Variants in TERT observed in about 807,000 individuals in gnomAD.
TERT encodes the protein telomerase catalytic subunit.
A neutral mutation model predicts 104.0 loss-of-function variants in TERT; 42 were observed. The observed-to-expected ratio is 0.40, with a 90% CI of 0.32 to 0.52. The LOEUF (loss-of-function observed/expected upper bound fraction) is 0.52, where lower values mean the gene tolerates loss of function less well. Ranked by LOEUF, TERT falls within the 20% of genes least tolerant of loss-of-function variation. The pLI is 0.43. For missense variants in TERT, 1,101 were observed against 1,610.3 expected, an observed-to-expected ratio of 0.68 and a Z score of 5.41; for synonymous variants, 781 against 725.6, an observed-to-expected ratio of 1.08 and a Z score of -1.23.
chr5:1,289,353 A>G (rs1188352288), intron 2 of TERT, among the ~76,000 whole-genome samples: 39 of 104,188 alleles, frequency 3.7e-4, no homozygotes, highest in Admixed American at 1.9e-3. Flanking sequence ...CACTCACCCT[A>G]CACGTGACAG....
At position 1,279,297 on chromosome 5, in the gene TERT, A is replaced by G; in HGVS notation, c.2124T>C (p.Phe708=). 6.3e-7 allele frequency: 1 copy of G among 1,581,510 alleles called. No homozygotes were observed. The highest frequency in any genetic ancestry group is 8.6e-7 in the Non-Finnish European group (1 of 1,166,002). The change falls in exon 5 of 16, where the codon TTT becomes TTC. Residue 708 remains phenylalanine, a synonymous_variant. Transcript: ENST00000310581. The part of the protein sequence containing the change: ...RAQDPPPELY[F]VKVDVTGAYD... ...GGGGGTCCCCGGCACCCACCTTGACAAAGTACAGCTCAGGCGGCGGGTCCT... is the reference window on the plus strand; with the variant it reads ...GGGGGTCCCCGGCACCCACCTTGACGAAGTACAGCTCAGGCGGCGGGTCCT...
In TERT at chr5:1,288,672, T is replaced by C. The variant is rs1351190746; in HGVS notation, c.1573+4641A>G. On this transcript the variant is annotated intron_variant, in intron 2 of 15. Transcript: ENST00000310581. This position sits in a 1 kb window ranked among gnomAD's most constrained non-coding sequence, Gnocchi z 5.3. ...AGGGGGCTGGGGTGACTTGCTTTCCTTCAGGGCACAGAGAACCCTTTCTGG... is the reference window on the plus strand; with the variant it reads ...AGGGGGCTGGGGTGACTTGCTTTCCCTCAGGGCACAGAGAACCCTTTCTGG... 6.6e-6 allele frequency among the ~76,000 whole-genome samples: 1 copy of C among 152,136 alleles called. No homozygotes were observed. The highest frequency in any genetic ancestry group is 1.5e-5 in the Non-Finnish European group (1 of 68,032).
In TERT at chr5:1,274,734, G is replaced by A. The variant is rs1354195205; in HGVS notation, c.2287-2454C>T. On this transcript the variant is annotated intron_variant, in intron 6 of 15. Transcript: ENST00000310581. The surrounding 1 kb of genome is among the most constrained non-coding windows in gnomAD (Gnocchi z 5.3). ...CGGGTTCCTAACAGGCCCCAGACCG[G>A]TGCCACTCCACAGCCAGGGGCCTCG... 6.6e-6 allele frequency among the ~76,000 whole-genome samples: 1 copy of A among 152,224 alleles called. No individual in the cohort carries two copies. Among genetic ancestry groups the A allele is most frequent in the African/African-American group, 2.4e-5 (1 of 41,450 alleles).
chr5:1,267,481 T>C (rs1393082957), intron 9 of TERT, among the ~76,000 whole-genome samples: 4 of 152,214 alleles, frequency 2.6e-5, no homozygotes, highest in Admixed American at 1.3e-4. Flanking sequence ...ATCCCATTAC[T>C]GGGTATATAC....
Position 1,294,126 on chromosome 5 carries a change from C to T in TERT, c.760G>A (p.Gly254Arg), listed in dbSNP as rs1439775799. 3.8e-6 allele frequency: 6 copies of T among 1,583,780 alleles called. No homozygotes were observed. Among genetic ancestry groups the T allele is most frequent in the East Asian group, 2.3e-5 (1 of 42,878 alleles). ...GTCCTGCCCGGGTGGGCCCAGGACC[C>T]CTGCCCAACGGGCGTCCGCTCCGGC... The part of the protein sequence containing the change: ...PEPERTPVGQ[G>R]SWAHPGRTRG... The change falls in exon 2 of 16, where the codon GGG becomes AGG. Residue 254 changes from glycine (G) to arginine (R), a missense_variant. Physicochemically the swap from Gly to Arg is moderately radical, Grantham distance 125. Around this residue, in one of 5 missense-constraint regions of TERT, gnomAD observed 504 missense variants for 544.6 expected, o/e 0.93. Transcript: ENST00000310581.
In TERT at chr5:1,263,039, C is replaced by T. The variant is rs921623452; in HGVS notation, c.2843+1365G>A. Among the ~76,000 whole-genome samples, 1 of 152,182 alleles carries T rather than the reference C, an allele frequency of 6.6e-6. No individual in the cohort carries two copies. The highest frequency in any genetic ancestry group is 1.5e-5 in the Non-Finnish European group (1 of 68,038). ...CGGCATCCTTGTGGGGAGGGAGCTG[C>T]AACAGGGACATGCTGGGCACCATGC... On this transcript the variant is annotated intron_variant, in intron 11 of 15. Coordinates refer to ENST00000310581, the MANE Select transcript of TERT (RefSeq NM_198253.3). This position sits in a 1 kb window ranked among gnomAD's most constrained non-coding sequence, Gnocchi z 5.3.
intron 5 of TERT, 69 bp downstream of exon 5, chr5:1,279,222 A>G: frequency 6.6e-7 from 1 of 1,512,078 alleles, no homozygotes; most frequent in East Asian, 2.5e-5. Context: ...TCCACCCAAC[A>G]TGAGGTGCCA....
chr5:1,291,603 A>C (rs528538268), intron 2 of TERT, among the ~76,000 whole-genome samples: 9 of 3,980 alleles, frequency 2.3e-3, no homozygotes, highest in African/African-American at 5.6e-3. Flanking sequence ...ACCCGGGGAC[A>C]GTGCCTCACT....
chr5:1,295,002 C>T lies in TERT; in HGVS notation c.-13G>A. ...GAGCGCGCGGCATCGCGGGGGTGGC[C>T]GGGGCCAGGGCTTCCCACGTGCGCA... On this transcript the variant is annotated 5_prime_UTR_variant, in exon 1 of 16. Coordinates refer to ENST00000310581, the MANE Select transcript of TERT (RefSeq NM_198253.3). The T allele has an allele frequency of 7.6e-7, 1 of 1,308,990 alleles. No individual in the cohort carries two copies. The highest frequency in any genetic ancestry group is 9.7e-7 in the Non-Finnish European group (1 of 1,035,404). 81.1% of individuals were successfully genotyped at this position (1,308,990 alleles called of 1,614,324 possible).
chr5:1,293,644 C>A lies in TERT; in HGVS notation c.1242G>T (p.Pro414=). ...PYGVLLKTHC[P]LRAAVTPAAG... is the part of the protein sequence containing the mutation. ...CTGCTGGGGTGACCGCAGCTCGCAGCGGGCAGTGCGTCTTGAGGAGCACCC... is the reference window on the plus strand; with the variant it reads ...CTGCTGGGGTGACCGCAGCTCGCAGAGGGCAGTGCGTCTTGAGGAGCACCC... Residue 414 remains proline, a synonymous_variant, in exon 2 of 16, where the codon CCG becomes CCT. Transcript: ENST00000310581. The A allele has an allele frequency of 6.4e-7, 1 of 1,558,544 alleles. No homozygotes were observed. The highest frequency in any genetic ancestry group is 2.4e-5 in the East Asian group (1 of 42,040).
intron 4 of TERT, 71 bp from the exon 5 acceptor site, chr5:1,279,541 C>G: frequency 1.3e-6 from 2 of 1,488,784 alleles, no homozygotes; most frequent in Non-Finnish European, 1.8e-6. Flanking sequence ...CATAGGGACC[C>G]AGGGGAGAAG....
At position 1,263,905 on chromosome 5, in the gene TERT, A is replaced by G. The variant is rs375610096; in HGVS notation, c.2843+499T>C. Reference sequence around the variant, plus strand: ...ATGGGTCACACGTGATCATGAACTCATGGCATCCTGTAGACTGTGGATGAG... The same window carrying G: ...ATGGGTCACACGTGATCATGAACTCGTGGCATCCTGTAGACTGTGGATGAG... On this transcript the variant is annotated intron_variant, in intron 11 of 15. Coordinates refer to ENST00000310581, the MANE Select transcript of TERT (RefSeq NM_198253.3). This position sits in a 1 kb window ranked among gnomAD's most constrained non-coding sequence, Gnocchi z 5.3. Among the ~76,000 whole-genome samples the G allele has an allele frequency of 4.1e-4, 62 of 152,280 alleles. 1 individual carries two copies. The highest frequency in any genetic ancestry group is 1.4e-3 in the African/African-American group (58 of 41,566).
intron 6 of TERT, among the ~76,000 whole-genome samples, chr5:1,275,608 A>T (rs140328499): frequency 6.6e-6 from 1 of 152,086 alleles, no homozygotes; most frequent in African/African-American, 2.4e-5. Context: ...TATAAACCCG[A>T]CCATAGTTCA....
At chr5:1,290,992 C>T (rs1187261995) in intron 2 of TERT, among the ~76,000 whole-genome samples, 2 of 137,336 alleles carry the variant, frequency 1.5e-5, no homozygotes, top group Non-Finnish European at 3.1e-5. Flanking sequence ...ACTCACCCTG[C>T]ACGGGACAGG....
rs10701001 is a variant in TERT at position 1,272,785 on chromosome 5, C to CCA, written c.2287-507_2287-506dup. 1.4e-3 allele frequency among the ~76,000 whole-genome samples: 5 copies of CCA among 3,638 alleles called. 2 individuals are homozygous for CCA. In the African/African-American group the frequency reaches 0.016, roughly 12 times the overall value. 2.4% of individuals were successfully genotyped at this position (3,638 alleles called of 152,430 possible). On this transcript the variant is annotated intron_variant, in intron 6 of 15. Coordinates refer to ENST00000310581, the MANE Select transcript of TERT (RefSeq NM_198253.3). ...ACCCCACGACCGCCATCCACAGTCA[C>CCA]CACATCAGACCCCACGACCGCCATC...
chr5:1,259,898 C>T (rs1561190368), intron 12 of TERT, among the ~76,000 whole-genome samples: 1 of 145,154 alleles, frequency 6.9e-6, no homozygotes, highest in Non-Finnish European at 1.5e-5. Flanking sequence ...GACACAGATG[C>T]CCACAGGAGA....
rs369287964 is a variant in TERT at position 1,282,417 on chromosome 5, G to A, written c.1769+12C>T. On this transcript the variant is annotated intron_variant, in intron 3 of 15. Coordinates refer to ENST00000310581, the MANE Select transcript of TERT (RefSeq NM_198253.3). The stretch of plus-strand genomic sequence containing the variant: ...CTTCGAGAAGCAGAGGCCTGGCGTG[G>A]GGATACAGTACCTGATTCCAATGCT... The A allele has an allele frequency of 6.2e-7, 1 of 1,612,532 alleles. No homozygotes were observed. The highest frequency in any genetic ancestry group is 8.5e-7 in the Non-Finnish European group (1 of 1,178,890).
At position 1,263,362 on chromosome 5, in the gene TERT, G is replaced by A. The variant is rs35999328; in HGVS notation, c.2843+1042C>T. On this transcript the variant is annotated intron_variant, in intron 11 of 15. Transcript: ENST00000310581. This position sits in a 1 kb window ranked among gnomAD's most constrained non-coding sequence, Gnocchi z 5.3. ...CACCAGTAAATATTATCGAAGGACA[G>A]AATAAAAAAACACCTGTCCACTATG... Among the ~76,000 whole-genome samples, 732 of 150,628 alleles carry A rather than the reference G, an allele frequency of 4.9e-3. 4 individuals are homozygous for A. Among genetic ancestry groups the A allele is most frequent in the African/African-American group, 0.017 (702 of 41,100 alleles).
At chr5:1,289,325 C>T (rs1364663573) in intron 2 of TERT, among the ~76,000 whole-genome samples, 1 of 146,764 alleles carries the variant, frequency 6.8e-6, no homozygotes, top group African/African-American at 2.5e-5. Context: ...GTGACAGAGA[C>T]ACCCGGGGAC....
Sources: allele counts gnomAD v4.1 joint callset (sites outside exome capture counted in the v4.1 genomes callset), GRCh38; gene constraint gnomAD v4.1.1; regional missense constraint gnomAD v4.1.1; non-coding constraint Gnocchi (gnomAD v3.1); transcripts MANE v1.5; gene names NCBI Gene and HGNC (gene_info 2026-07-23, HGNC 2026-07-21).